The following ZWILCH variants were observed in gnomAD, a reference collection of about 807,000 sequenced individuals.
ZWILCH encodes protein zwilch homolog.
Under a neutral mutation model 79.9 loss-of-function variants are expected in ZWILCH, and 74 were observed. The ratio of observed to expected loss-of-function variants is 0.93; its 90% CI spans 0.77 to 1.12. ZWILCH has a LOEUF of 1.12. Among genes scored for constraint, ZWILCH ranks in the 50% most tolerant of loss-of-function variants. ZWILCH has a pLI of 0.00. For missense variants in ZWILCH, 694 were observed against 687.5 expected (o/e 1.01, Z -0.11); for synonymous variants, 241 against 228.2 (o/e 1.06, Z -0.51).
In ZWILCH at chr15:66,505,398, C is replaced by T; in HGVS notation, c.53+7C>T. 1 of 1,614,000 alleles carries T rather than the reference C, an allele frequency of 6.2e-7. No homozygotes were observed. The highest frequency in any genetic ancestry group is 8.5e-7 in the Non-Finnish European group (1 of 1,179,950). ...TTTATTCTCGTCTCCTTCAGTGAGT[C>T]TAGTCTCTTCTTTTGGCTGGGGTCC... On this transcript the variant is annotated splice_region_variant and intron_variant, in intron 1 of 18. Coordinates refer to ENST00000307897, the MANE Select transcript of ZWILCH (RefSeq NM_017975.5).
intron 2 of ZWILCH, 107 bp downstream of exon 2, chr15:66,508,999 G>T: frequency 8.2e-7 from 1 of 1,220,354 alleles, no homozygotes; most frequent in Non-Finnish European, 1.1e-6. Context: ...GAGTGCAGTG[G>T]CGCGATCTCG....
At chr15:66,543,689 T>G (rs2140811986) in intron 17 of ZWILCH, among the ~76,000 whole-genome samples, 1 of 151,346 alleles carries the variant, frequency 6.6e-6, no homozygotes, top group East Asian at 1.9e-4. Flanking sequence ...CCCAGGAGAT[T>G]GAGGCTGCAG....
intron 4 of ZWILCH, among the ~76,000 whole-genome samples, chr15:66,516,197 A>C (rs1894248553): frequency 1.3e-5 from 2 of 152,234 alleles, no homozygotes; most frequent in South Asian, 4.1e-4. Flanking sequence ...CCTGCAATGC[A>C]TGGGACTCTC....
At chr15:66,536,092 C>G in intron 15 of ZWILCH, 23 bp downstream of exon 15, 10 of 1,565,230 alleles carry the variant, frequency 6.4e-6, no homozygotes, top group Non-Finnish European at 8.6e-6. Flanking sequence ...GTATTCTTCA[C>G]TTATATAGAA....
intron 8 of ZWILCH, among the ~76,000 whole-genome samples, chr15:66,526,393 T>C (rs555006234): frequency 1.1e-4 from 17 of 151,966 alleles, no homozygotes; most frequent in African/African-American, 3.9e-4. Flanking sequence ...TGCCAGCCTA[T>C]GGTTCCCACA....
intron 1 of ZWILCH, among the ~76,000 whole-genome samples, chr15:66,507,751 A>G (rs1450489325): frequency 6.6e-6 from 1 of 152,122 alleles, no homozygotes; most frequent in Non-Finnish European, 1.5e-5. Context: ...TGCATGGTGA[A>G]ACCCCATCTC....
At chr15:66,520,201 G>T (rs1312460055) in intron 5 of ZWILCH, among the ~76,000 whole-genome samples, 1 of 151,482 alleles carries the variant, frequency 6.6e-6, no homozygotes, top group Non-Finnish European at 1.5e-5. Context: ...GCTCACTGCA[G>T]CCTCGACCTC....
intron 1 of ZWILCH, 115 bp from the exon 2 acceptor site, chr15:66,508,726 G>T: frequency 1.3e-6 from 2 of 1,489,336 alleles, no homozygotes; most frequent in South Asian, 1.3e-5. Flanking sequence ...GTAAGTACTT[G>T]CTTTTTGCCT....
chr15:66,516,740 A>G (rs988223988), intron 4 of ZWILCH, among the ~76,000 whole-genome samples: 1 of 152,140 alleles, frequency 6.6e-6, no homozygotes. Flanking sequence ...CTCTCACCTC[A>G]GGTGATCCAC....
At chr15:66,521,768 C>G (rs555697267) in intron 7 of ZWILCH, among the ~76,000 whole-genome samples, 4 of 151,890 alleles carry the variant, frequency 2.6e-5, no homozygotes, top group Non-Finnish European at 5.9e-5. Flanking sequence ...TGGCTCACGC[C>G]GGGATTATAG....
chr15:66,539,381 G>T (rs1015554700), intron 16 of ZWILCH, among the ~76,000 whole-genome samples: 1 of 135,786 alleles, frequency 7.4e-6, no homozygotes, highest in African/African-American at 2.9e-5. Context: ...TCCAGCCTGG[G>T]TGACAGAGCA....
intron 15 of ZWILCH, 122 bp from the exon 16 acceptor site, chr15:66,537,046 T>A: frequency 1.8e-6 from 1 of 544,664 alleles, no homozygotes; most frequent in Admixed American, 3.4e-5. Flanking sequence ...TCTAAAAGTG[T>A]TCGCTGATGT....
chr15:66,515,755 C>T, intron 4 of ZWILCH, 111 bp downstream of exon 4: 1 of 759,100 alleles, frequency 1.3e-6, no homozygotes, highest in Non-Finnish European at 2.3e-6. Context: ...CTTCATCTCC[C>T]CCACCCCCTG....
intron 17 of ZWILCH, among the ~76,000 whole-genome samples, chr15:66,546,231 C>A (rs897966005): frequency 1.3e-5 from 2 of 152,092 alleles, no homozygotes; most frequent in Admixed American, 6.5e-5. Flanking sequence ...CCTAAGACTA[C>A]AAATCTTAAA....
At chr15:66,516,979 A>AT (rs1265560342) in intron 4 of ZWILCH, among the ~76,000 whole-genome samples, 1 of 151,814 alleles carries the variant, frequency 6.6e-6, no homozygotes, top group Non-Finnish European at 1.5e-5. Context: ...TTCTTCTTGC[A>AT]TTTTCCTTCT....
chr15:66,546,791 A>G (rs963793606), intron 18 of ZWILCH, 86 bp downstream of exon 18: 4 of 598,246 alleles, frequency 6.7e-6, no homozygotes, highest in African/African-American at 5.7e-5. Flanking sequence ...ATCAATGTCG[A>G]TTTGCTACAT....
At chr15:66,541,754 A>G (rs993854225) in intron 17 of ZWILCH, among the ~76,000 whole-genome samples, 1 of 152,222 alleles carries the variant, frequency 6.6e-6, no homozygotes, top group Non-Finnish European at 1.5e-5. Context: ...AAATGCCTTC[A>G]TTTAAATATG....
chr15:66,518,445 T>C (rs1032713936), intron 4 of ZWILCH, among the ~76,000 whole-genome samples: 6 of 152,218 alleles, frequency 3.9e-5, no homozygotes, highest in East Asian at 3.9e-4. Flanking sequence ...TACACCAGGC[T>C]AATTTTTTGT....
At chr15:66,512,464 C>T (rs1187126693) in intron 2 of ZWILCH, among the ~76,000 whole-genome samples, 1 of 151,448 alleles carries the variant, frequency 6.6e-6, no homozygotes, top group Non-Finnish European at 1.5e-5. Flanking sequence ...TGTGTTGTAA[C>T]TAGTCTCAAA....
Sources: allele counts gnomAD v4.1 joint callset (sites outside exome capture counted in the v4.1 genomes callset), GRCh38; gene constraint gnomAD v4.1.1; transcripts MANE v1.5; gene names NCBI Gene and HGNC (gene_info 2026-07-23, HGNC 2026-07-21).